The following THRB variants were observed in gnomAD, a reference collection of about 807,000 sequenced individuals.
The protein encoded by THRB is thyroid hormone receptor beta, also known as nuclear receptor subfamily 1 group A member 2.
A neutral mutation model predicts 47.8 loss-of-function variants in THRB; 12 were observed. That is an observed-to-expected ratio of 0.25 (90% CI 0.16 to 0.41). The LOEUF is 0.41. THRB is among the 10% of genes least tolerant of loss of function. The probability of loss-of-function intolerance (pLI) is 1.00; values close to 1 mark genes in which losing one functional copy is unlikely to be tolerated. For missense variants in THRB, 348 were observed against 589.2 expected, an observed-to-expected ratio of 0.59 and a Z score of 4.24; for synonymous variants, 218 against 212.2, an observed-to-expected ratio of 1.03 and a Z score of -0.24.
At chr3:24,383,011 C>T (rs1357161503) in intron 1 of THRB, among the ~76,000 whole-genome samples, 1 of 152,098 alleles carries the variant, frequency 6.6e-6, no homozygotes, top group African/African-American at 2.4e-5. Context: ...CTAACTCAGT[C>T]TTCCATTCTT....
intron 3 of THRB, among the ~76,000 whole-genome samples, chr3:24,267,286 A>G (rs962353767): frequency 2.2e-4 from 33 of 152,190 alleles, no homozygotes; most frequent in African/African-American, 8.0e-4. Context: ...GAACCAAGAC[A>G]ATAGAACATA....
intron 4 of THRB, among the ~76,000 whole-genome samples, chr3:24,208,622 G>C (rs2045666809): frequency 6.6e-6 from 1 of 152,284 alleles, no homozygotes; most frequent in African/African-American, 2.4e-5. Context: ...TTAATAAATG[G>C]TGCTGGGAAA....
intron 2 of THRB, among the ~76,000 whole-genome samples, chr3:24,328,847 T>C (rs1353553596): frequency 2.0e-5 from 3 of 152,244 alleles, no homozygotes; most frequent in Non-Finnish European, 4.4e-5. Context: ...AATTTTAAAA[T>C]GGTTCCCTAC....
intron 3 of THRB, among the ~76,000 whole-genome samples, chr3:24,277,181 T>C (rs1216648373): frequency 6.6e-6 from 1 of 152,116 alleles, no homozygotes; most frequent in Non-Finnish European, 1.5e-5. Flanking sequence ...GGGAGCAATT[T>C]TGCACCTTCC....
chr3:24,262,038 T>G (rs1003387707), intron 3 of THRB, among the ~76,000 whole-genome samples: 3 of 152,218 alleles, frequency 2.0e-5, no homozygotes, highest in Non-Finnish European at 4.4e-5. Flanking sequence ...AATATGTGTC[T>G]CTATAGACCC....
intron 10 of THRB, among the ~76,000 whole-genome samples, chr3:24,126,066 C>T (rs1461731302): frequency 6.6e-6 from 1 of 151,888 alleles, no homozygotes; most frequent in East Asian, 1.9e-4. Context: ...TCTAAATTTC[C>T]TATAGTAAAT....
At chr3:24,211,408 C>A (rs369280457) in intron 4 of THRB, among the ~76,000 whole-genome samples, 30 of 152,124 alleles carry the variant, frequency 2.0e-4, no homozygotes, top group Admixed American at 4.6e-4. Flanking sequence ...CCTCAACAAA[C>A]CTTACTTTCA....
In THRB at chr3:24,330,232, G is replaced by A. The variant is rs560509862; in HGVS notation, c.-189+7068C>T. On this transcript the variant is annotated intron_variant, in intron 2 of 10. Coordinates refer to ENST00000646209, the MANE Select transcript of THRB (RefSeq NM_001354712.2). ...TGAGGCAGGAGAATGGCGTGAACCC[G>A]GGAAGCGGAGCTTGCAGTGAGCCGA... Among the ~76,000 whole-genome samples, 429 of 152,200 alleles carry A rather than the reference G, an allele frequency of 2.8e-3. 3 individuals carry two copies. Among genetic ancestry groups the A allele is most frequent in the African/African-American group, 0.01 (420 of 41,544 alleles).
chr3:24,391,434 C>T (rs1560085688), intron 1 of THRB, among the ~76,000 whole-genome samples: 2 of 152,064 alleles, frequency 1.3e-5, no homozygotes, highest in African/African-American at 2.4e-5. Context: ...ATGATACTTG[C>T]TATTAAATCT....
intron 3 of THRB, among the ~76,000 whole-genome samples, chr3:24,247,512 G>A (rs1050221957): frequency 6.6e-6 from 1 of 152,186 alleles, no homozygotes; most frequent in African/African-American, 2.4e-5. Flanking sequence ...ATTTTAAAGT[G>A]GGAGAGACAG....
chr3:24,355,360 G>C (rs1043420017), intron 1 of THRB, among the ~76,000 whole-genome samples: 9 of 152,160 alleles, frequency 5.9e-5, no homozygotes, highest in African/African-American at 2.2e-4. Flanking sequence ...GGAGCCTAAT[G>C]AGACATGACG....
At chr3:24,325,334 A>C (rs183987647) in intron 2 of THRB, among the ~76,000 whole-genome samples, 64 of 152,358 alleles carry the variant, frequency 4.2e-4, no homozygotes, top group African/African-American at 1.5e-3. Flanking sequence ...CAAAGGAAGA[A>C]AAACAGCACT....
chr3:24,286,501 G>T (rs2055316139), intron 3 of THRB, among the ~76,000 whole-genome samples: 1 of 152,152 alleles, frequency 6.6e-6, no homozygotes, highest in South Asian at 2.1e-4. Context: ...AATGCATATG[G>T]TTTAAGATTT....
chr3:24,257,333 G>C (rs1174683430), intron 3 of THRB, among the ~76,000 whole-genome samples: 1 of 151,984 alleles, frequency 6.6e-6, no homozygotes, highest in Non-Finnish European at 1.5e-5. Flanking sequence ...AACAAGTCCA[G>C]ATGTTTATGA....
intron 1 of THRB, among the ~76,000 whole-genome samples, chr3:24,452,742 T>G (rs2072789996): frequency 6.6e-6 from 1 of 152,130 alleles, no homozygotes; most frequent in African/African-American, 2.4e-5. Flanking sequence ...AGGGGTAAAG[T>G]TCAAAAGATG....
At chr3:24,124,544 A>G (rs2032350685) in intron 10 of THRB, among the ~76,000 whole-genome samples, 1 of 152,238 alleles carries the variant, frequency 6.6e-6, no homozygotes, top group South Asian at 2.1e-4. Flanking sequence ...TAGCGAGTAC[A>G]AATTGACATT....
chr3:24,165,303 TGCTGCCGGCA>T, intron 5 of THRB: 1 of 765,100 alleles, frequency 1.3e-6, no homozygotes, highest in Non-Finnish European at 2.4e-6. Context: ...ATGTAGCAAT[TGCTGCCGGCA>T]GCTGGGTGCA....
At chr3:24,182,577 A>T (rs1021847258) in intron 5 of THRB, among the ~76,000 whole-genome samples, 24 of 152,204 alleles carry the variant, frequency 1.6e-4, no homozygotes, top group African/African-American at 5.3e-4. Context: ...CTAATGTCCA[A>T]TGTGGTTCTC....
intron 1 of THRB, among the ~76,000 whole-genome samples, chr3:24,459,970 G>C (rs1346314865): frequency 6.6e-6 from 1 of 152,142 alleles, no homozygotes; most frequent in African/African-American, 2.4e-5. Context: ...TTGGTAAACA[G>C]AGCAGTTAAA....
Sources: gnomAD v4.1 joint callset for allele counts (sites outside exome capture counted in the v4.1 genomes callset) on GRCh38, gnomAD v4.1.1 for gene constraint, MANE v1.5 for transcripts, NCBI Gene and HGNC (gene_info 2026-07-23, HGNC 2026-07-21) for gene names.